Variants in MDFIC2 observed in about 807,000 individuals in gnomAD.
The protein encoded by MDFIC2 is myoD family inhibitor domain-containing protein 2.
intron 2 of MDFIC2, among the ~76,000 whole-genome samples, chr3:70,231,077 C>T (rs1441900501): frequency 1.3e-5 from 2 of 152,190 alleles, no homozygotes; most frequent in Non-Finnish European, 2.9e-5. Flanking sequence ...CCATTCCTGA[C>T]ATAACAGCTC....
chr3:70,196,963 T>G lies in MDFIC2; in HGVS notation c.533A>C (p.Glu178Ala). The change falls in exon 4 of 4, where the codon GAA becomes GCA. Residue 178 changes from glutamate (E) to alanine (A), a missense_variant. Physicochemically the swap from Glu to Ala is moderately radical, Grantham distance 107 (BLOSUM62 -1). Coordinates refer to ENST00000567252, the MANE Select transcript of MDFIC2 (RefSeq NM_001364677.1). ...GATTTCTGAAATCTCCATGGCCAGT[T>G]CCAGACACTCGCTGGTCTCATGGCA... ...ESCHETSECL[E>A]LAMEISEICY... 1 of 398,536 alleles carries G rather than the reference T, an allele frequency of 2.5e-6. No individual in the cohort carries two copies. The highest frequency in any genetic ancestry group is 2.1e-5 in the African/African-American group (1 of 48,752). 24.7% of individuals were successfully genotyped at this position (398,536 alleles called of 1,614,324 possible).
At chr3:70,237,549 C>A (rs1701621978) in intron 2 of MDFIC2, among the ~76,000 whole-genome samples, 1 of 152,224 alleles carries the variant, frequency 6.6e-6, no homozygotes, top group African/African-American at 2.4e-5. Context: ...ACACCTCTTA[C>A]TCTTCTTCTT....
chr3:70,269,383 ACCTACTTAGGT>A (rs1318300335), intron 2 of MDFIC2, among the ~76,000 whole-genome samples: 1 of 152,158 alleles, frequency 6.6e-6, no homozygotes, highest in Non-Finnish European at 1.5e-5. Flanking sequence ...ACACCCTGTA[ACCTACTTAGGT>A]CTCAATCCCT....
intron 2 of MDFIC2, among the ~76,000 whole-genome samples, chr3:70,239,264 A>G (rs1407203532): frequency 6.6e-6 from 1 of 152,062 alleles, no homozygotes; most frequent in Non-Finnish European, 1.5e-5. Flanking sequence ...GATTTCAAAG[A>G]TTGTTTTAAA....
intron 2 of MDFIC2, among the ~76,000 whole-genome samples, chr3:70,235,287 G>C (rs995179726): frequency 5.9e-5 from 9 of 151,986 alleles, no homozygotes; most frequent in African/African-American, 2.2e-4. Context: ...TGCATTCTTA[G>C]GTGTACTAGA....
At chr3:70,202,577 C>T (rs190963769) in intron 3 of MDFIC2, among the ~76,000 whole-genome samples, 4 of 152,254 alleles carry the variant, frequency 2.6e-5, no homozygotes, top group African/African-American at 9.6e-5. Context: ...TATTGAAGTG[C>T]CCACCTGGCT....
At chr3:70,285,933 A>T (rs1270134090) in intron 2 of MDFIC2, among the ~76,000 whole-genome samples, 16 of 150,584 alleles carry the variant, frequency 1.1e-4, no homozygotes, top group East Asian at 3.9e-4. Flanking sequence ...AATTTGTTTG[A>T]GTTCATTGTA....
intron 2 of MDFIC2, among the ~76,000 whole-genome samples, chr3:70,304,232 G>C (rs1048832361): frequency 6.6e-6 from 1 of 151,944 alleles, no homozygotes. Context: ...GTTCTTTCCT[G>C]CCCCAGTGCC....
chr3:70,212,786 C>A (rs1042129257), intron 2 of MDFIC2, among the ~76,000 whole-genome samples: 2 of 150,040 alleles, frequency 1.3e-5, no homozygotes, highest in African/African-American at 5.0e-5. Context: ...AATATTTTCC[C>A]ATTTTCTCTC....
rs189841928 is a variant in MDFIC2, at chr3:70,204,550, A to G, written c.310+2019T>C. 5.9e-5 allele frequency: 9 copies of G among 152,224 alleles called. No homozygotes were observed. In the East Asian group the frequency reaches 1.7e-3, roughly 29 times the overall value. 9.4% of individuals were successfully genotyped at this position (152,224 alleles called of 1,614,324 possible). On this transcript the variant is annotated intron_variant, in intron 3 of 3. Transcript: ENST00000567252. ...GGAGGAAAAGGACAAGTGGACTATC[A>G]CCTAGGTGGTCAGCTTACAACCTGA...
At chr3:70,218,972 G>T (rs1375387029) in intron 2 of MDFIC2, among the ~76,000 whole-genome samples, 2 of 148,788 alleles carry the variant, frequency 1.3e-5, no homozygotes, top group African/African-American at 2.4e-5. Flanking sequence ...ACAATTTTAT[G>T]AAGTGTTTGG....
intron 2 of MDFIC2, among the ~76,000 whole-genome samples, chr3:70,228,550 T>G (rs1559540138): frequency 6.6e-6 from 1 of 152,026 alleles, no homozygotes; most frequent in East Asian, 1.9e-4. Flanking sequence ...GTTTGTTTTC[T>G]AATGTCTAGA....
chr3:70,259,915 A>G (rs889612970), intron 2 of MDFIC2, among the ~76,000 whole-genome samples: 5 of 152,168 alleles, frequency 3.3e-5, no homozygotes, highest in Non-Finnish European at 7.3e-5. Context: ...GGAAGCAGGA[A>G]GGAGAAGTGC....
chr3:70,308,949 C>G (rs893532234), intron 2 of MDFIC2, among the ~76,000 whole-genome samples: 1 of 152,132 alleles, frequency 6.6e-6, no homozygotes, highest in South Asian at 2.1e-4. Context: ...TAACAGTGAG[C>G]AGTGTTCAGC....
At chr3:70,224,655 A>C (rs1286190851) in intron 2 of MDFIC2, among the ~76,000 whole-genome samples, 1 of 152,160 alleles carries the variant, frequency 6.6e-6, no homozygotes, top group Non-Finnish European at 1.5e-5. Context: ...GCTTCCTGCA[A>C]TACTTGGGAA....
At chr3:70,281,622 C>T (rs557539225) in intron 2 of MDFIC2, among the ~76,000 whole-genome samples, 12 of 152,100 alleles carry the variant, frequency 7.9e-5, no homozygotes, top group Non-Finnish European at 1.6e-4. Context: ...GGAATCTAAA[C>T]GTCTGATATT....
At chr3:70,291,595 G>T (rs1702240378) in intron 2 of MDFIC2, among the ~76,000 whole-genome samples, 1 of 152,014 alleles carries the variant, frequency 6.6e-6, no homozygotes, top group Non-Finnish European at 1.5e-5. Context: ...CACAGTGCTG[G>T]GAACATCGGA....
chr3:70,286,534 T>C (rs1328815443), intron 2 of MDFIC2, among the ~76,000 whole-genome samples: 5 of 151,954 alleles, frequency 3.3e-5, no homozygotes, highest in African/African-American at 1.2e-4. Context: ...ATTGACTTGG[T>C]GATGCGGGCT....
chr3:70,263,177 A>G (rs1355129722), intron 2 of MDFIC2, among the ~76,000 whole-genome samples: 1 of 152,136 alleles, frequency 6.6e-6, no homozygotes, highest in Non-Finnish European at 1.5e-5. Context: ...GTTTTTAACC[A>G]ACTGATTTTT....
Sources: gnomAD v4.1 joint callset for allele counts (sites outside exome capture counted in the v4.1 genomes callset) on GRCh38, gnomAD v4.1.1 for gene constraint, MANE v1.5 for transcripts, NCBI Gene and HGNC (gene_info 2026-07-23, HGNC 2026-07-21) for gene names.